The following RARRES1 variants were observed in gnomAD, a reference collection of about 807,000 sequenced individuals.
RARRES1 encodes the protein retinoic acid receptor responder 1.
RARRES1 carries 34 observed loss-of-function variants against 30.6 expected under a neutral mutation model. The observed-to-expected ratio is 1.11, with a 90% CI of 0.84 to 1.48. The LOEUF (loss-of-function observed/expected upper bound fraction) is 1.48, where lower values mean the gene tolerates loss of function less well. RARRES1 is among the 40% of genes most tolerant of loss of function. RARRES1 has a pLI of 0.00. For synonymous variants in RARRES1, 153 were observed against 155.5 expected (o/e 0.98, Z 0.12); for missense variants, 373 against 386.5 (o/e 0.97, Z 0.29).
Position 158,712,264 on chromosome 3 carries a change from A to C in RARRES1, c.340-1331T>G, listed in dbSNP as rs76977279. ...GTGAAAACAACTACCAAAAATGAAA[A>C]AAGTCCATGAGGAAACAAATTGTAA... On this transcript the variant is annotated intron_variant, in intron 2 of 5. Coordinates refer to ENST00000237696, the MANE Select transcript of RARRES1 (RefSeq NM_206963.2). Among the ~76,000 whole-genome samples the C allele has an allele frequency of 9.5e-3, 1,452 of 152,312 alleles. 28 individuals are homozygous for C. The highest frequency in any genetic ancestry group is 0.033 in the African/African-American group (1,361 of 41,552).
At chr3:158,703,998 A>G (rs977758213) in intron 4 of RARRES1, among the ~76,000 whole-genome samples, 3 of 152,088 alleles carry the variant, frequency 2.0e-5, no homozygotes, top group Non-Finnish European at 4.4e-5. Flanking sequence ...TGTTCCTCCT[A>G]TAAGCTTCCC....
At chr3:158,729,382 ATATCT>A (rs558004913) in intron 1 of RARRES1, among the ~76,000 whole-genome samples, 8 of 151,774 alleles carry the variant, frequency 5.3e-5, no homozygotes, top group African/African-American at 9.7e-5. Context: ...AGGATGTCAA[ATATCT>A]TATTTTATTT....
intron 1 of RARRES1, among the ~76,000 whole-genome samples, chr3:158,729,711 C>G (rs1727808775): frequency 1.3e-5 from 2 of 152,078 alleles, no homozygotes; most frequent in African/African-American, 2.4e-5. Context: ...CTCGGCCTCC[C>G]AAAGTGCTGA....
chr3:158,698,384 ATG>A (rs1726620495), intron 4 of RARRES1, among the ~76,000 whole-genome samples: 1 of 152,198 alleles, frequency 6.6e-6, no homozygotes, highest in Non-Finnish European at 1.5e-5. Context: ...CACCTTCTAC[ATG>A]TTCTCATCTA....
Position 158,732,255 on chromosome 3 carries a change from AC to A in RARRES1, c.160del (p.Val54SerfsTer90). On this transcript the variant is annotated frameshift_variant, in exon 1 of 6. Coordinates refer to ENST00000237696, the MANE Select transcript of RARRES1 (RefSeq NM_206963.2). LOFTEE classifies it high-confidence loss of function. ...DDPGQPQDAGVPRRLLQQAAR... is the reference protein window; with the variant it reads ...DDPGQPQDAGXPRRLLQQAAR... ...CGCCTGCTGCAGGAGCCTGCGCGGG[AC>A]CCCAGCATCCTGAGGCTGCCCAGGG... is the stretch of plus-strand genomic sequence containing the variant. 1 of 1,374,162 alleles carries A rather than the reference AC, an allele frequency of 7.3e-7. No individual in the cohort carries two copies. Among genetic ancestry groups the A allele is most frequent in the South Asian group, 1.7e-5 (1 of 57,248 alleles). The allele number at this position is 1,374,162 out of a possible 1,614,324, so 85.1% of individuals were successfully genotyped here. A position where few individuals can be genotyped will look rare whatever the true frequency, so the allele number is the denominator to read the frequency against.
At chr3:158,703,300 G>A (rs1223275424) in intron 4 of RARRES1, among the ~76,000 whole-genome samples, 2 of 151,948 alleles carry the variant, frequency 1.3e-5, no homozygotes, top group Non-Finnish European at 2.9e-5. Flanking sequence ...CATCCTCTCT[G>A]GCCTACTCAA....
At chr3:158,713,472 G>A (rs563812803) in intron 2 of RARRES1, among the ~76,000 whole-genome samples, 1 of 152,260 alleles carries the variant, frequency 6.6e-6, no homozygotes, top group East Asian at 1.9e-4. Flanking sequence ...ATTTGAAAGT[G>A]AGTCATTCTG....
chr3:158,724,343 C>T (rs943712567), intron 1 of RARRES1, among the ~76,000 whole-genome samples: 2 of 152,188 alleles, frequency 1.3e-5, no homozygotes, highest in African/African-American at 4.8e-5. Flanking sequence ...TGTTATTTTA[C>T]ATGGCAAAAA....
chr3:158,717,060 C>G (rs1727346019), intron 1 of RARRES1, among the ~76,000 whole-genome samples: 1 of 152,212 alleles, frequency 6.6e-6, no homozygotes, highest in Non-Finnish European at 1.5e-5. Flanking sequence ...ATGAGCCGCA[C>G]AGCCACAGGC....
Position 158,697,374 on chromosome 3 carries a change from A to C in RARRES1, c.*304T>G, listed in dbSNP as rs75905420. 9.0e-6 allele frequency: 2 copies of C among 223,022 alleles called. No homozygotes were observed. The highest frequency in any genetic ancestry group is 1.7e-5 in the Non-Finnish European group (2 of 115,024). 13.8% of individuals were successfully genotyped at this position (223,022 alleles called of 1,614,324 possible). A position where few individuals can be genotyped will look rare whatever the true frequency, so the allele number is the denominator to read the frequency against. On this transcript the variant is annotated 3_prime_UTR_variant, in exon 6 of 6. Coordinates refer to ENST00000237696, the MANE Select transcript of RARRES1 (RefSeq NM_206963.2). The stretch of plus-strand genomic sequence containing the variant: ...ATCATTTTTTGCAGTTAAAAAAAAA[A>C]TGCTGATTCTGGTGCAACATACACT...
In RARRES1 at chr3:158,732,255, A is replaced by T. The variant is rs1341309031; in HGVS notation, c.161T>A (p.Val54Asp). The change falls in exon 1 of 6, where the codon GTC (valine) becomes GAC (aspartate). Residue 54 changes from valine (V) to aspartate (D), a missense_variant. Coordinates refer to ENST00000237696, the MANE Select transcript of RARRES1 (RefSeq NM_206963.2). Reference protein sequence around the residue: ...DDPGQPQDAGVPRRLLQQAAR... With the variant: ...DDPGQPQDAGDPRRLLQQAAR... The stretch of plus-strand genomic sequence containing the variant: ...CGCCTGCTGCAGGAGCCTGCGCGGG[A>T]CCCCAGCATCCTGAGGCTGCCCAGG... 3 of 1,374,062 alleles carry T rather than the reference A, an allele frequency of 2.2e-6. No homozygotes were observed. The African/African-American group carries it at 4.6e-5, about 21-fold the overall frequency. 85.1% of individuals were successfully genotyped at this position (1,374,062 alleles called of 1,614,324 possible). A position where few individuals can be genotyped will look rare whatever the true frequency, so the allele number is the denominator to read the frequency against.
chr3:158,720,258 GTGTGTGT>G (rs1727465942), intron 1 of RARRES1, among the ~76,000 whole-genome samples: 1 of 143,952 alleles, frequency 6.9e-6, no homozygotes, highest in African/African-American at 2.7e-5. Flanking sequence ...GTGTGTGTGT[GTGTGTGT>G]ATGTGTGTGA....
Position 158,697,628 on chromosome 3 carries a change from T to C in RARRES1, c.*50A>G. The C allele has an allele frequency of 6.6e-7, 1 of 1,521,224 alleles. No individual in the cohort carries two copies. Among genetic ancestry groups the C allele is most frequent in the Middle Eastern group, 2.0e-4 (1 of 5,086 alleles). The allele number at this position is 1,521,224 out of a possible 1,614,324, so 94.2% of individuals were successfully genotyped here. A position where few individuals can be genotyped will look rare whatever the true frequency, so the allele number is the denominator to read the frequency against. On this transcript the variant is annotated 3_prime_UTR_variant, in exon 6 of 6. Coordinates refer to ENST00000237696, the MANE Select transcript of RARRES1 (RefSeq NM_206963.2). ...GCTGTTTTACTAGAAGAATGATTTA[T>C]GCTAGTATAGTCACTTGTTTAGAAG...
At chr3:158,706,967 A>G (rs1214063967) in intron 3 of RARRES1, among the ~76,000 whole-genome samples, 1 of 152,094 alleles carries the variant, frequency 6.6e-6, no homozygotes. Flanking sequence ...TCAGGAGTTG[A>G]AGACCAGCCT....
chr3:158,717,400 T>C (rs956339309), intron 1 of RARRES1, among the ~76,000 whole-genome samples: 1 of 152,142 alleles, frequency 6.6e-6, no homozygotes, highest in Non-Finnish European at 1.5e-5. Flanking sequence ...GGCTAGAGAA[T>C]TGGTCTAGTC....
At chr3:158,720,268 G>GTGTGTA (rs1553745451) in intron 1 of RARRES1, among the ~76,000 whole-genome samples, 2 of 143,418 alleles carry the variant, frequency 1.4e-5, no homozygotes, top group East Asian at 4.0e-4. Context: ...GTGTGTGTAT[G>GTGTGTA]TGTGTGAGAG....
intron 4 of RARRES1, among the ~76,000 whole-genome samples, chr3:158,699,255 A>T (rs1726646443): frequency 6.6e-6 from 1 of 152,180 alleles, no homozygotes; most frequent in Non-Finnish European, 1.5e-5. Context: ...GAAGGGAAAC[A>T]GTACCTTAAA....
At position 158,704,210 on chromosome 3, in the gene RARRES1, CTTTTTTTTTTTTTTTT is replaced by C. The variant is rs78169321; in HGVS notation, c.672+565_672+580del. Among the ~76,000 whole-genome samples the C allele has an allele frequency of 7.1e-4, 59 of 82,846 alleles. 1 individual carries two copies. The highest frequency in any genetic ancestry group is 4.2e-3 in the South Asian group (9 of 2,126). 54.4% of individuals were successfully genotyped at this position (82,846 alleles called of 152,430 possible). Reference sequence around the variant, plus strand: ...AGGCCTTGCCTAGAATATTGCAATACTTTTTTTTTTTTTTTTTTTTTTTTTTTTTTTTTTGAGACAG... The same window carrying C: ...AGGCCTTGCCTAGAATATTGCAATACTTTTTTTTTTTTTTTTTTGAGACAG... On this transcript the variant is annotated intron_variant, in intron 4 of 5. Transcript: ENST00000237696.
chr3:158,725,447 A>G (rs1274105891), intron 1 of RARRES1, among the ~76,000 whole-genome samples: 1 of 152,194 alleles, frequency 6.6e-6, no homozygotes, highest in Non-Finnish European at 1.5e-5. Flanking sequence ...TGCAGTCTCC[A>G]GCAGAACAAC....
Sources: gnomAD v4.1 joint callset for allele counts (sites outside exome capture counted in the v4.1 genomes callset) on GRCh38, gnomAD v4.1.1 for gene constraint, MANE v1.5 for transcripts, NCBI Gene and HGNC (gene_info 2026-07-23, HGNC 2026-07-21) for gene names.